Variants in GCKR observed in about 807,000 individuals in gnomAD.
GCKR encodes glucokinase regulator.
GCKR carries 73 observed loss-of-function variants against 82.9 expected under a neutral mutation model. The observed-to-expected ratio is 0.88, with a 90% CI of 0.73 to 1.07. The LOEUF (loss-of-function observed/expected upper bound fraction) is 1.07, where lower values mean the gene tolerates loss of function less well. Among genes scored for constraint, GCKR ranks in the 50% least tolerant of loss-of-function variants. GCKR has a pLI of 0.00. For synonymous variants in GCKR, 294 were observed against 291.8 expected (o/e 1.01, Z -0.08); for missense variants, 784 against 782.1 (o/e 1.00, Z -0.03).
intron 7 of GCKR, 101 bp from the exon 8 acceptor site, chr2:27,501,034 A>G: frequency 2.3e-6 from 2 of 880,850 alleles, no homozygotes; most frequent in East Asian, 2.4e-5. Context: ...GGGAATCTGC[A>G]TTTTGAACAA....
Position 27,522,070 on chromosome 2 carries a change from G to A in GCKR, c.1573-390G>A, listed in dbSNP as rs150419156. Among the ~76,000 whole-genome samples, 1,336 of 152,240 alleles carry A rather than the reference G, an allele frequency of 8.8e-3. 6 individuals are homozygous for A. The highest frequency in any genetic ancestry group is 0.017 in the Middle Eastern group (5 of 294). The stretch of plus-strand genomic sequence containing the variant: ...CAATGCTGAGCTAGACAGAGAGGAG[G>A]GTAGTGACAAAATGGAAGCAGTGTT... On this transcript the variant is annotated intron_variant, in intron 17 of 18. Transcript: ENST00000264717.
intron 7 of GCKR, among the ~76,000 whole-genome samples, chr2:27,500,859 A>G (rs1669556845): frequency 6.6e-6 from 1 of 152,244 alleles, no homozygotes; most frequent in Admixed American, 6.5e-5. Context: ...CAAAGAGAAG[A>G]GGATATTGAC....
intron 16 of GCKR, among the ~76,000 whole-genome samples, chr2:27,510,220 AG>A (rs1310955097): frequency 6.6e-6 from 1 of 151,882 alleles, no homozygotes; most frequent in Admixed American, 6.6e-5. Context: ...CGTGTTAGCC[AG>A]GATGGTCTCG....
chr2:27,507,376 G>A, intron 13 of GCKR, 65 bp downstream of exon 13: 1 of 1,025,526 alleles, frequency 9.8e-7, no homozygotes, highest in South Asian at 1.3e-5. Context: ...TGGAAGAAAA[G>A]GGGAAGGCGG....
At chr2:27,522,940 GGCT>G (rs1670186199) in intron 18 of GCKR, among the ~76,000 whole-genome samples, 3 of 149,604 alleles carry the variant, frequency 2.0e-5, no homozygotes, top group African/African-American at 7.4e-5. Context: ...CTGTCACCCA[GGCT>G]GCTGGAGTGC....
rs1414859437 is a variant in GCKR, at chr2:27,522,471, ACAGTC to A, written c.1587_1591del (p.Ser530GlyfsTer20). The A allele has an allele frequency of 6.2e-7, 1 of 1,613,706 alleles. No individual in the cohort carries two copies. The highest frequency in any genetic ancestry group is 2.2e-5 in the East Asian group (1 of 44,876). ...CACTTCTTCCTTAGCGGTTCTCTGG[ACAGTC>A]CAAGGCTCGATGCATCGAGAGCCTC... On this transcript the variant is annotated frameshift_variant, in exon 18 of 19. Transcript: ENST00000264717. LOFTEE classifies it high-confidence loss of function.
intron 16 of GCKR, among the ~76,000 whole-genome samples, chr2:27,513,414 C>T (rs1303208354): frequency 6.6e-6 from 1 of 151,416 alleles, no homozygotes; most frequent in East Asian, 1.9e-4. Flanking sequence ...CCTGTAGTCC[C>T]AGATACTCAG....
intron 16 of GCKR, chr2:27,509,387 T>A (rs960926166): frequency 1.6e-5 from 3 of 192,168 alleles, no homozygotes; most frequent in Admixed American, 1.5e-4. Flanking sequence ...TGGCCCAGAC[T>A]AAAGTGCAGT....
Position 27,499,382 on chromosome 2 carries a change from ATCC to A in GCKR, c.496-9_496-7del. 1 of 1,603,420 alleles carries A rather than the reference ATCC, an allele frequency of 6.2e-7. No individual in the cohort carries two copies. ...TCCTCCCAGTTACACTACCTTGTCC[ATCC>A]TCCTCTCCTAGGTGGCTGCCGGGAA... On this transcript the variant is annotated splice_polypyrimidine_tract_variant and intron_variant, in intron 6 of 18. Coordinates refer to ENST00000264717, the MANE Select transcript of GCKR (RefSeq NM_001486.4).
intron 17 of GCKR, among the ~76,000 whole-genome samples, chr2:27,520,210 T>A (rs1346215814): frequency 1.3e-5 from 2 of 152,010 alleles, no homozygotes; most frequent in Non-Finnish European, 2.9e-5. Context: ...ACCCACCAGG[T>A]CCCCAAAATA....
chr2:27,502,105 A>G (rs1373296980), intron 8 of GCKR, among the ~76,000 whole-genome samples: 1 of 152,200 alleles, frequency 6.6e-6, no homozygotes, highest in African/African-American at 2.4e-5. Context: ...ATTTTAGAGC[A>G]GCTTTTTGTA....
chr2:27,510,304 C>T (rs776956634), intron 16 of GCKR, among the ~76,000 whole-genome samples: 7 of 152,058 alleles, frequency 4.6e-5, no homozygotes, highest in East Asian at 3.9e-4. Context: ...CCACCACGCC[C>T]GGCCACTACT....
intron 7 of GCKR, among the ~76,000 whole-genome samples, chr2:27,500,658 G>A (rs958294992): frequency 6.6e-6 from 1 of 152,140 alleles, no homozygotes; most frequent in Admixed American, 6.5e-5. Flanking sequence ...TGTCACCTGG[G>A]ACTTGTTAGA....
At chr2:27,508,329 C>T (rs1669801989) in intron 16 of GCKR, 78 bp downstream of exon 16, 1 of 998,912 alleles carries the variant, frequency 1.0e-6, no homozygotes, top group Non-Finnish European at 1.6e-6. Context: ...AAACCCAAGG[C>T]TGTAGGGCAG....
At chr2:27,521,473 G>A (rs1182018797) in intron 17 of GCKR, among the ~76,000 whole-genome samples, 2 of 150,912 alleles carry the variant, frequency 1.3e-5, no homozygotes, top group Non-Finnish European at 2.9e-5. Flanking sequence ...TGGGATTACA[G>A]GCATGCGCCA....
chr2:27,506,750 G>T (rs372469894), intron 11 of GCKR, 38 bp from the exon 12 acceptor site: 1 of 1,347,880 alleles, frequency 7.4e-7, no homozygotes, highest in Admixed American at 1.7e-5. Context: ...CTCTTTGCAC[G>T]GTGATCTCTC....
At chr2:27,507,102 C>A in intron 12 of GCKR, 133 bp from the exon 13 acceptor site, 2 of 797,030 alleles carry the variant, frequency 2.5e-6, no homozygotes, top group South Asian at 1.3e-5. Context: ...TATGGCCTCC[C>A]ACAAGGGCTA....
chr2:27,512,235 C>CAA (rs60079696), intron 16 of GCKR, among the ~76,000 whole-genome samples: 6,144 of 46,070 alleles, frequency 0.13, 709 homozygotes, highest in East Asian at 0.32. Context: ...GACTCCATCT[C>CAA]AAAAAAAAAA....
At position 27,497,406 on chromosome 2, in the gene GCKR, AAG is replaced by A. The variant is rs57332022; in HGVS notation, c.216+9_216+10del. 7.0e-3 allele frequency: 11,323 copies of A among 1,614,048 alleles called. 711 individuals carry two copies. In the African/African-American group the frequency reaches 0.13, roughly 19 times the overall value. ...AGCCCTGTCCACATACCAGGTAACC[AAG>A]ACCCAAGACCTGGACCCTGGAAATA... is the stretch of plus-strand genomic sequence containing the variant. On this transcript the variant is annotated splice_region_variant and intron_variant, in intron 2 of 18. Transcript: ENST00000264717.
Sources: gnomAD v4.1 joint callset for allele counts (sites outside exome capture counted in the v4.1 genomes callset) on GRCh38, gnomAD v4.1.1 for gene constraint, MANE v1.5 for transcripts, NCBI Gene and HGNC (gene_info 2026-07-23, HGNC 2026-07-21) for gene names.